RIMS2: variants seen among roughly 807,000 people sequenced by gnomAD.
RIMS2 encodes regulating synaptic membrane exocytosis 2, also known as regulating synaptic membrane exocytosis protein 2.
RIMS2 carries 59 observed loss-of-function variants against 174.4 expected under a neutral mutation model. That is an observed-to-expected ratio of 0.34 (90% CI 0.27 to 0.42). RIMS2 has a LOEUF of 0.42. Ranked by LOEUF, RIMS2 falls within the 10% of genes least tolerant of loss-of-function variation. The pLI is 1.00. For missense variants in RIMS2, 1,620 were observed against 1,666.3 expected (o/e 0.97, Z 0.48); for synonymous variants, 606 against 572.5 (o/e 1.06, Z -0.84).
intron 19 of RIMS2, among the ~76,000 whole-genome samples, chr8:104,213,361 T>G (rs1438027888): frequency 6.6e-6 from 1 of 152,184 alleles, no homozygotes; most frequent in Non-Finnish European, 1.5e-5. Flanking sequence ...CCTATCTCAA[T>G]TAAGTCCTCA....
chr8:104,105,441 A>G (rs1241680886), intron 19 of RIMS2, among the ~76,000 whole-genome samples: 1 of 152,208 alleles, frequency 6.6e-6, no homozygotes, highest in Non-Finnish European at 1.5e-5. Flanking sequence ...CATTGTGCAT[A>G]GTGAAAAGGG....
At chr8:103,515,162 A>T (rs1327949490) in intron 1 of RIMS2, among the ~76,000 whole-genome samples, 5 of 152,200 alleles carry the variant, frequency 3.3e-5, no homozygotes, top group African/African-American at 1.2e-4. Context: ...AATATCAAAT[A>T]TTTAAAAATA....
At position 103,828,537 on chromosome 8, in the gene RIMS2, G is replaced by A. The variant is rs576668134; in HGVS notation, c.699-56761G>A. ...ATTTTCTCCCATTCTGTAGGTGTCT[G>A]TTGATAATTTCTTTTGCTGTGCAGT... On this transcript the variant is annotated intron_variant, in intron 3 of 23. Coordinates refer to ENST00000504942, the Ensembl canonical transcript of RIMS2. 2.0e-5 allele frequency among the ~76,000 whole-genome samples: 3 copies of A among 152,230 alleles called. No individual in the cohort carries two copies. The South Asian group carries it at 6.2e-4, about 32-fold the overall frequency.
chr8:103,889,863 G>A (rs181944293), intron 4 of RIMS2, among the ~76,000 whole-genome samples: 1 of 151,922 alleles, frequency 6.6e-6, no homozygotes, highest in Admixed American at 6.6e-5. Flanking sequence ...GCCATTGTTT[G>A]TGTAACAAAA....
intron 2 of RIMS2, among the ~76,000 whole-genome samples, chr8:103,707,546 G>C (rs759508091): frequency 1.3e-5 from 2 of 152,150 alleles, no homozygotes; most frequent in Admixed American, 6.5e-5. Context: ...TGGTGGACTT[G>C]GGGAAGATAA....
At chr8:103,708,760 G>A (rs1416223451) in intron 2 of RIMS2, among the ~76,000 whole-genome samples, 2 of 152,058 alleles carry the variant, frequency 1.3e-5, no homozygotes, top group Non-Finnish European at 2.9e-5. Context: ...CACTAGTTGT[G>A]TGCAATTAAA....
At chr8:104,098,953 A>C (rs1014293625) in intron 19 of RIMS2, among the ~76,000 whole-genome samples, 5 of 152,154 alleles carry the variant, frequency 3.3e-5, no homozygotes, top group Non-Finnish European at 7.4e-5. Context: ...TGTCATCCTG[A>C]CTGTTGTGTA....
At chr8:103,761,565 A>G (rs367981069) in intron 2 of RIMS2, among the ~76,000 whole-genome samples, 4 of 152,214 alleles carry the variant, frequency 2.6e-5, no homozygotes, top group African/African-American at 9.6e-5. Context: ...GAGAATTTTT[A>G]AAAGTTTATG....
intron 19 of RIMS2, among the ~76,000 whole-genome samples, chr8:104,062,656 C>G (rs1350492085): frequency 6.6e-6 from 1 of 152,134 alleles, no homozygotes. Context: ...GAGCCAATAG[C>G]TGTATACACT....
chr8:103,571,497 A>G (rs2092802470), intron 1 of RIMS2, among the ~76,000 whole-genome samples: 1 of 152,178 alleles, frequency 6.6e-6, no homozygotes, highest in African/African-American at 2.4e-5. Context: ...ATACTGTGAC[A>G]GCAAATAATG....
chr8:103,602,423 T>A (rs570910742), intron 1 of RIMS2, among the ~76,000 whole-genome samples: 1 of 151,976 alleles, frequency 6.6e-6, no homozygotes, highest in Non-Finnish European at 1.5e-5. Flanking sequence ...TAGTACTTAA[T>A]AGGTATTTTT....
downstream of RIMS2, chr8:104,252,999 C>T (rs991581674): frequency 6.6e-6 from 1 of 152,256 alleles, no homozygotes; most frequent in East Asian, 1.9e-4. Context: ...GGAAAATTAA[C>T]TTTAAGAGCT....
At chr8:103,567,501 T>C (rs560972059) in intron 1 of RIMS2, among the ~76,000 whole-genome samples, 2 of 152,354 alleles carry the variant, frequency 1.3e-5, no homozygotes, top group East Asian at 3.9e-4. Flanking sequence ...TGTATAGTAC[T>C]TTTTGTTTTC....
At chr8:104,253,589 G>T (rs187390673), downstream of RIMS2, 4 of 152,168 alleles carry the variant, frequency 2.6e-5, no homozygotes, top group Non-Finnish European at 4.4e-5. Context: ...TTTTACAGAC[G>T]GTTATTACCA....
intron 2 of RIMS2, among the ~76,000 whole-genome samples, chr8:103,718,291 A>G (rs987821252): frequency 4.6e-5 from 7 of 152,224 alleles, no homozygotes; most frequent in African/African-American, 1.7e-4. Context: ...TTGTTCATAT[A>G]TGGGTTGCTG....
intron 2 of RIMS2, among the ~76,000 whole-genome samples, 198 bp downstream of exon 4, chr8:103,697,494 A>C (rs979709453): frequency 1.7e-4 from 26 of 151,564 alleles, no homozygotes; most frequent in Admixed American, 2.0e-4. Context: ...GGATCACTTT[A>C]GCCCAGGAGT....
intron 3 of RIMS2, among the ~76,000 whole-genome samples, chr8:103,807,440 G>C (rs947133108): frequency 3.3e-5 from 5 of 152,086 alleles, no homozygotes; most frequent in African/African-American, 9.7e-5. Context: ...GGATTTAAAA[G>C]AGGATGTGAA....
intron 12 of RIMS2, among the ~76,000 whole-genome samples, chr8:103,934,614 CTTT>C (rs2080796165): frequency 6.6e-6 from 1 of 151,860 alleles, no homozygotes; most frequent in African/African-American, 2.4e-5. Flanking sequence ...AATTTTCATT[CTTT>C]ATCTGAGAAC....
chr8:103,508,472 AAAAG>A (rs1824782883), intron 1 of RIMS2, among the ~76,000 whole-genome samples: 1 of 151,890 alleles, frequency 6.6e-6, no homozygotes, highest in South Asian at 2.1e-4. Context: ...AAAAAAAAAA[AAAAG>A]AAGACGATGC....
Sources: gnomAD v4.1 joint callset for allele counts (sites outside exome capture counted in the v4.1 genomes callset) on GRCh38, gnomAD v4.1.1 for gene constraint, MANE v1.5 for transcripts, NCBI Gene and HGNC (gene_info 2026-07-23, HGNC 2026-07-21) for gene names.